Variants in MARF1 observed in about 807,000 individuals in gnomAD.
The protein encoded by MARF1 is meiosis regulator and mRNA stability factor 1.
In MARF1, 24 loss-of-function variants were observed where a neutral mutation model predicts 168.2. The ratio of observed to expected loss-of-function variants is 0.14; its 90% CI spans 0.10 to 0.20. The LOEUF (loss-of-function observed/expected upper bound fraction) is 0.20. Ranked by LOEUF, MARF1 falls within the 10% of genes least tolerant of loss-of-function variation. The pLI, the probability that MARF1 is intolerant of heterozygous loss-of-function variation, is 1.00. For missense variants in MARF1, 1,744 were observed against 2,143.6 expected (o/e 0.81, Z 3.68); for synonymous variants, 868 against 822.4 (o/e 1.06, Z -0.95).
At chr16:15,639,060 T>C in intron 2 of MARF1, 30 bp downstream of exon 2, 2 of 1,598,446 alleles carry the variant, frequency 1.3e-6, no homozygotes, top group South Asian at 1.1e-5. Flanking sequence ...ATGAGGAATC[T>C]GCTACATCCT....
chr16:15,599,002 C>T lies in MARF1; in HGVS notation c.4836G>A (p.Glu1612=), dbSNP rs1351147765. ...DGSGPSHTEQ[E]LLRLTDDSPV... is the part of the protein sequence containing the mutation. The stretch of plus-strand genomic sequence containing the variant: ...GGGAGTCGTCGGTCAGGCGGAGAAG[C>T]TCCTGCTCTGTGTGACTGGGCCCTG... Residue 1612 remains glutamate (E), a synonymous_variant, in exon 26 of 27, where the codon GAG becomes GAA. Transcript: ENST00000396368. 1 of 1,609,660 alleles carries T rather than the reference C, an allele frequency of 6.2e-7. No individual in the cohort carries two copies. Among genetic ancestry groups the T allele is most frequent in the East Asian group, 2.2e-5 (1 of 44,836 alleles).
chr16:15,597,452 G>C (rs958728800), intron 26 of MARF1, among the ~76,000 whole-genome samples: 11 of 152,218 alleles, frequency 7.2e-5, no homozygotes, highest in African/African-American at 2.7e-4. Context: ...ATTACCCTCA[G>C]AACCCAGGAA....
At chr16:15,628,341 T>C (rs1300340656) in intron 7 of MARF1, among the ~76,000 whole-genome samples, 1 of 152,140 alleles carries the variant, frequency 6.6e-6, no homozygotes, top group Non-Finnish European at 1.5e-5. Flanking sequence ...GGGTTTTCAC[T>C]TTCCACATTT....
intron 4 of MARF1, among the ~76,000 whole-genome samples, chr16:15,634,293 C>T (rs553195256): frequency 1.8e-4 from 28 of 152,270 alleles, no homozygotes; most frequent in African/African-American, 6.7e-4. Flanking sequence ...TTTGAGTTAA[C>T]GCTGCATTAA....
chr16:15,598,990 C>G lies in MARF1; in HGVS notation c.4848G>C (p.Leu1616=), dbSNP rs759594402. Reference sequence around the variant, plus strand: ...GGAGGTCGACGGGGGAGTCGTCGGTCAGGCGGAGAAGCTCCTGCTCTGTGT... The same window carrying G: ...GGAGGTCGACGGGGGAGTCGTCGGTGAGGCGGAGAAGCTCCTGCTCTGTGT... ...PSHTEQELLR[L]TDDSPVDLLC... The change falls in exon 26 of 27, where the codon CTG becomes CTC. Residue 1616 remains leucine (L), a synonymous_variant. Coordinates refer to ENST00000396368, the MANE Select transcript of MARF1 (RefSeq NM_014647.4). 1 of 1,611,332 alleles carries G rather than the reference C, an allele frequency of 6.2e-7. No homozygotes were observed. The highest frequency in any genetic ancestry group is 8.5e-7 in the Non-Finnish European group (1 of 1,178,748).
chr16:15,631,902 C>G (rs950815342), intron 5 of MARF1, among the ~76,000 whole-genome samples: 4 of 152,192 alleles, frequency 2.6e-5, no homozygotes, highest in African/African-American at 9.7e-5. Context: ...CCAGCTTCAT[C>G]CATGTCCCTG....
intron 11 of MARF1, 141 bp downstream of exon 11, chr16:15,622,793 A>C (rs2034558853): frequency 1.7e-5 from 10 of 590,396 alleles, no homozygotes; most frequent in Non-Finnish European, 2.8e-5. Flanking sequence ...CCCTGAGCAG[A>C]CCAAAGGGAA....
chr16:15,638,402 A>G (rs909641862), intron 2 of MARF1, among the ~76,000 whole-genome samples: 2 of 152,096 alleles, frequency 1.3e-5, no homozygotes, highest in Admixed American at 1.3e-4. Context: ...CCTGGCCAAC[A>G]TGGCGAAACC....
intron 13 of MARF1, among the ~76,000 whole-genome samples, chr16:15,619,250 C>T (rs1404933608): frequency 6.6e-6 from 1 of 152,234 alleles, no homozygotes; most frequent in Non-Finnish European, 1.5e-5. Flanking sequence ...GCACTACACC[C>T]TGGGTGACAG....
chr16:15,629,150 T>A (rs551780252), intron 7 of MARF1, among the ~76,000 whole-genome samples: 1 of 151,524 alleles, frequency 6.6e-6, no homozygotes. Context: ...CGTATTTACA[T>A]AAGGCCTTCA....
intron 5 of MARF1, 69 bp downstream of exon 5, chr16:15,633,544 AAAAC>A (rs914577448): frequency 3.1e-4 from 369 of 1,195,144 alleles, no homozygotes; most frequent in East Asian, 7.0e-4. Flanking sequence ...ACTCTGTCTC[AAAAC>A]AAACAAACAA....
In MARF1 at chr16:15,609,507, G is replaced by A. The variant is rs1478570137; in HGVS notation, c.3954+16C>T. On this transcript the variant is annotated intron_variant, in intron 20 of 26. Transcript: ENST00000396368. ...TTCAGAAAAATACTTTATAAAATTA[G>A]AATTTCTTCACTCACTTGTAAAGTA... is the stretch of plus-strand genomic sequence containing the variant. 1 of 1,592,870 alleles carries A rather than the reference G, an allele frequency of 6.3e-7. No homozygotes were observed. Among genetic ancestry groups the A allele is most frequent in the Non-Finnish European group, 8.6e-7 (1 of 1,162,348 alleles).
At chr16:15,620,588 A>G (rs373231741) in intron 12 of MARF1, 57 bp from the exon 13 acceptor site, 66 of 1,136,260 alleles carry the variant, frequency 5.8e-5, no homozygotes, top group Non-Finnish European at 6.6e-5. Context: ...TACAAGTTAT[A>G]TAAACAGAGT....
intron 22 of MARF1, 23 bp downstream of exon 22, chr16:15,604,145 T>C (rs2032792240): frequency 6.6e-7 from 1 of 1,526,396 alleles, no homozygotes; most frequent in Admixed American, 1.7e-5. Flanking sequence ...ATGATAGTTC[T>C]AAAGAGCCAT....
intron 18 of MARF1, 148 bp from the exon 19 acceptor site, chr16:15,611,256 C>T (rs1051302431): frequency 1.4e-5 from 10 of 726,444 alleles, no homozygotes; most frequent in South Asian, 5.5e-5. Context: ...CAAGAGATCG[C>T]GACCATCCTG....
intron 10 of MARF1, 89 bp downstream of exon 10, chr16:15,624,680 A>T: frequency 8.0e-7 from 1 of 1,245,444 alleles, no homozygotes. Flanking sequence ...GCATTTCAGT[A>T]CTATCTGAAT....
rs1200456401 is a variant in MARF1 at position 15,623,002 on chromosome 16, T to C, written c.2392A>G (p.Ile798Val). 7 of 1,607,696 alleles carry C rather than the reference T, an allele frequency of 4.4e-6. No individual in the cohort carries two copies. In the South Asian group the frequency reaches 5.5e-5, roughly 13 times the overall value. The part of the protein sequence containing the change: ...ANGADVQVSN[I>V]DYRLSRKELQ... ...TCCTTCCGGGATAATCTGTAGTCTATGTTGCTGACTTGGACATCAGCACCA... is the reference window on the plus strand; with the variant it reads ...TCCTTCCGGGATAATCTGTAGTCTACGTTGCTGACTTGGACATCAGCACCA... The change falls in exon 11 of 27, where the codon ATA becomes GTA. Residue 798 changes from isoleucine (I) to valine (V), a missense_variant. Ile to Val is a conservative substitution (Grantham distance 29). This residue lies in a region of MARF1 where 543 missense variants were observed against 742.1 expected (regional missense o/e 0.73). Transcript: ENST00000396368.
In MARF1 at chr16:15,617,106, G is replaced by A. The variant is rs1294856899; in HGVS notation, c.3023C>T (p.Ala1008Val). The A allele has an allele frequency of 1.9e-6, 3 of 1,614,080 alleles. No homozygotes were observed. The highest frequency in any genetic ancestry group is 1.1e-5 in the South Asian group (1 of 91,076). Reference sequence around the variant, plus strand: ...CTGGAGAAGACTGTGAACCTGGGGCGCAAATGTCTTCAAAGAAAGAATCAC... The same window carrying A: ...CTGGAGAAGACTGTGAACCTGGGGCACAAATGTCTTCAAAGAAAGAATCAC... The part of the protein sequence containing the change: ...PFVILSLKTF[A>V]PQVHSLLQTH... Residue 1008 changes from alanine to valine, a missense_variant, in exon 15 of 27, where the codon GCG becomes GTG. Physicochemically the swap from Ala to Val is moderately conservative, Grantham distance 64. Around this residue, in one of 7 missense-constraint regions of MARF1, gnomAD observed 543 missense variants for 742.1 expected, o/e 0.73. Coordinates refer to ENST00000396368, the MANE Select transcript of MARF1 (RefSeq NM_014647.4).
In MARF1 at chr16:15,625,567, A is replaced by G. The variant is rs142138304; in HGVS notation, c.1758T>C (p.Asn586=). Residue 586 remains asparagine, a synonymous_variant, in exon 8 of 27, where the codon AAT becomes AAC. Coordinates refer to ENST00000396368, the MANE Select transcript of MARF1 (RefSeq NM_014647.4). ...AACTCTTTGTTTCACAGAGTTCTCTATTTTTTGGAGTAAATGACACAATGA... is the reference window on the plus strand; with the variant it reads ...AACTCTTTGTTTCACAGAGTTCTCTGTTTTTTGGAGTAAATGACACAATGA... ...NRIIVSFTPK[N]RELCETKSSN... 4,455 of 1,614,078 alleles carry G rather than the reference A, an allele frequency of 2.8e-3. 16 individuals carry two copies. The highest frequency in any genetic ancestry group is 3.3e-3 in the Non-Finnish European group (3,885 of 1,180,000).
Sources: gnomAD v4.1 joint callset for allele counts (sites outside exome capture counted in the v4.1 genomes callset) on GRCh38, gnomAD v4.1.1 for gene constraint, gnomAD v4.1.1 regional missense constraint, MANE v1.5 for transcripts, NCBI Gene and HGNC (gene_info 2026-07-23, HGNC 2026-07-21) for gene names.